The following PCDHA2 variants were observed in gnomAD, a reference collection of about 807,000 sequenced individuals.
PCDHA2 encodes protocadherin alpha 2, also known as protocadherin alpha-2.
A neutral mutation model predicts 66.0 loss-of-function variants in PCDHA2; 58 were observed. That is an observed-to-expected ratio of 0.88 (90% CI 0.71 to 1.09). PCDHA2 has a LOEUF of 1.09. Among genes scored for constraint, PCDHA2 ranks in the 50% least tolerant of loss-of-function variants. The pLI, the probability that PCDHA2 is intolerant of heterozygous loss-of-function variation, is 0.00. For missense variants in PCDHA2, 1,267 were observed against 1,242.3 expected, an observed-to-expected ratio of 1.02 and a Z score of -0.30; for synonymous variants, 634 against 554.0, an observed-to-expected ratio of 1.14 and a Z score of -2.03.
intron 1 of PCDHA2, among the ~76,000 whole-genome samples, chr5:140,961,895 T>A (rs1453853880): frequency 6.6e-6 from 1 of 152,012 alleles, no homozygotes; most frequent in Non-Finnish European, 1.5e-5. Flanking sequence ...CAGTTTTTTT[T>A]TTTTTTGAGA....
In PCDHA2 at chr5:140,856,768, C is replaced by G; in HGVS notation, c.2388+59416C>G. 1.3e-6 allele frequency: 2 copies of G among 1,596,818 alleles called. 1 individual carries two copies. ...TAGATGCCAATGATAACGCCCCTAT[C>G]TTTGACAGACCGGTTTATGAAGTTA... On this transcript the variant is annotated intron_variant, in intron 1 of 3. Coordinates refer to ENST00000526136, the MANE Select transcript of PCDHA2 (RefSeq NM_018905.3).
chr5:140,847,830 A>G lies in PCDHA2; in HGVS notation c.2388+50478A>G, dbSNP rs137920365. The G allele has an allele frequency of 3.3e-5, 5 of 149,914 alleles. No homozygotes were observed. In the East Asian group the frequency reaches 7.7e-4, roughly 23 times the overall value. The allele number at this position is 149,914 out of a possible 1,614,324, so 9.3% of individuals were successfully genotyped here. ...ATTCATAGAATTACTCAAGAAAACT[A>G]CCTCAGTTGGTTGCTACTTTTTGTT... On this transcript the variant is annotated intron_variant, in intron 1 of 3. Transcript: ENST00000526136.
At chr5:140,999,713 G>A (rs533034174) in intron 3 of PCDHA2, among the ~76,000 whole-genome samples, 2 of 152,226 alleles carry the variant, frequency 1.3e-5, no homozygotes, top group South Asian at 4.2e-4. Flanking sequence ...AGCTAACTAC[G>A]GAGACCAGCC....
At chr5:140,823,911 C>T (rs2150130255) in intron 1 of PCDHA2, 3 of 1,613,880 alleles carry the variant, frequency 1.9e-6, no homozygotes, top group Admixed American at 1.7e-5. Flanking sequence ...TGCTGGTGCT[C>T]ACGCTGCTGC....
At chr5:140,852,880 A>C in intron 1 of PCDHA2, 1 of 943,656 alleles carries the variant, frequency 1.1e-6, no homozygotes, top group Non-Finnish European at 1.3e-6. Context: ...ATAATCATAA[A>C]ACGTATTTTT....
At chr5:140,857,138 G>A in intron 1 of PCDHA2, 2 of 1,598,300 alleles carry the variant, frequency 1.3e-6, no homozygotes, top group Non-Finnish European at 1.7e-6. Context: ...AGATGCTCAA[G>A]TGGGCACCGT....
At chr5:140,931,852 G>A (rs1177917853) in intron 1 of PCDHA2, among the ~76,000 whole-genome samples, 1 of 151,728 alleles carries the variant, frequency 6.6e-6, no homozygotes, top group Admixed American at 6.6e-5. Flanking sequence ...AATAACAACA[G>A]GATTCTAGAA....
intron 1 of PCDHA2, chr5:140,831,149 C>A (rs2150192022): frequency 6.6e-6 from 1 of 152,098 alleles, no homozygotes; most frequent in Non-Finnish European, 1.5e-5. Flanking sequence ...TATTTACTAC[C>A]GATCTAAATA....
At chr5:141,000,899 C>T (rs1013993633) in intron 3 of PCDHA2, among the ~76,000 whole-genome samples, 18 of 151,966 alleles carry the variant, frequency 1.2e-4, no homozygotes, top group African/African-American at 2.7e-4. Flanking sequence ...CAGATATAGA[C>T]GCTGTCTCTA....
At chr5:140,877,096 G>T in intron 1 of PCDHA2, 3 of 1,613,378 alleles carry the variant, frequency 1.9e-6, no homozygotes, top group Non-Finnish European at 2.5e-6. Context: ...CGACGCCGGC[G>T]TGCCGCCTCT....
intron 1 of PCDHA2, chr5:140,809,819 T>A (rs1764549384): frequency 5.0e-6 from 2 of 396,282 alleles, no homozygotes; most frequent in African/African-American, 4.1e-5. Context: ...TTCACTATAT[T>A]CACCCTCTTT....
At chr5:140,954,919 C>A (rs246021) in intron 1 of PCDHA2, among the ~76,000 whole-genome samples, 85,722 of 151,952 alleles carry the variant, frequency 0.56, 24,790 homozygotes, top group African/African-American at 0.69. Flanking sequence ...TTATGAATTA[C>A]GTCTTTAATT....
chr5:140,925,082 AAAGGAAGGAAGG>A (rs138596875), intron 1 of PCDHA2, among the ~76,000 whole-genome samples: 78 of 147,388 alleles, frequency 5.3e-4, no homozygotes, highest in African/African-American at 1.8e-3. Context: ...GCTCATCTGG[AAAGGAAGGAAGG>A]AAGGAAGGAA....
Position 140,850,710 on chromosome 5 carries a change from C to G in PCDHA2, c.2388+53358C>G, listed in dbSNP as rs2150495455. ...CGAGTGCGCGCCTGGCAAGCCGACG[C>G]TGGTGTGTTCTAGCGCGGTGGGGAG... On this transcript the variant is annotated intron_variant, in intron 1 of 3. Coordinates refer to ENST00000526136, the MANE Select transcript of PCDHA2 (RefSeq NM_018905.3). 14 of 1,598,036 alleles carry G rather than the reference C, an allele frequency of 8.8e-6. 1 individual carries two copies. Among genetic ancestry groups the G allele is most frequent in the Non-Finnish European group, 1.2e-5 (14 of 1,167,676 alleles).
intron 1 of PCDHA2, chr5:140,966,609 G>A: frequency 1.4e-6 from 1 of 702,876 alleles, no homozygotes; most frequent in Non-Finnish European, 2.1e-6. Flanking sequence ...CCTTGGGAGG[G>A]CCTACGGAGG....
Position 140,924,861 on chromosome 5 carries a change from C to T in PCDHA2, c.2389-54088C>T, listed in dbSNP as rs150955497. ...AGGGAGCTCAGATCGTGCCACTGCA[C>T]TCCAGCCTGGGTGACAGAGCAAGAA... On this transcript the variant is annotated intron_variant, in intron 1 of 3. Transcript: ENST00000526136. Among the ~76,000 whole-genome samples, 427 of 150,140 alleles carry T rather than the reference C, an allele frequency of 2.8e-3. 1 individual carries two copies. The highest frequency in any genetic ancestry group is 0.01 in the African/African-American group (408 of 40,512).
At chr5:140,895,843 C>G (rs574376494) in intron 1 of PCDHA2, among the ~76,000 whole-genome samples, 1 of 152,232 alleles carries the variant, frequency 6.6e-6, no homozygotes, top group East Asian at 1.9e-4. Context: ...CAAAGTCTCA[C>G]TCTTGTACCC....
At chr5:140,990,492 A>G (rs533006418) in intron 3 of PCDHA2, among the ~76,000 whole-genome samples, 1 of 152,308 alleles carries the variant, frequency 6.6e-6, no homozygotes, top group South Asian at 2.1e-4. Flanking sequence ...TAGTGAGGTG[A>G]CATTCCCCAA....
chr5:140,848,112 A>G, intron 1 of PCDHA2: 1 of 176,234 alleles, frequency 5.7e-6, no homozygotes, highest in South Asian at 1.5e-4. Context: ...GGATAAGAAA[A>G]CCACAATCAA....
Sources: gnomAD v4.1 joint callset for allele counts (sites outside exome capture counted in the v4.1 genomes callset) on GRCh38, gnomAD v4.1.1 for gene constraint, MANE v1.5 for transcripts, NCBI Gene and HGNC (gene_info 2026-07-23, HGNC 2026-07-21) for gene names.